SLU7: variants seen among roughly 807,000 people sequenced by gnomAD.
SLU7 encodes the protein spliceosome associated SLU7, also known as pre-mRNA-splicing factor SLU7.
SLU7 carries 60 observed loss-of-function variants against 87.0 expected under a neutral mutation model. The observed-to-expected ratio is 0.69, with a 90% CI of 0.56 to 0.86. The LOEUF (loss-of-function observed/expected upper bound fraction) is 0.86. Ranked by LOEUF, SLU7 falls within the 40% of genes least tolerant of loss-of-function variation. The probability of loss-of-function intolerance (pLI) is 0.00; values close to 1 mark genes in which losing one functional copy is unlikely to be tolerated. For synonymous variants in SLU7, 197 were observed against 222.0 expected (o/e 0.89, Z 1.00); for missense variants, 507 against 686.6 (o/e 0.74, Z 2.92).
intron 1 of SLU7, among the ~76,000 whole-genome samples, chr5:160,415,765 G>C (rs1282023756): frequency 1.3e-5 from 2 of 152,106 alleles, no homozygotes; most frequent in Admixed American, 6.5e-5. Flanking sequence ...CCATTCTAAA[G>C]AAAAGAGTTA....
rs1765066654 is a variant in SLU7 at position 160,407,726 on chromosome 5, G to C, written c.985+20C>G. 1 of 1,608,252 alleles carries C rather than the reference G, an allele frequency of 6.2e-7. No homozygotes were observed. Among genetic ancestry groups the C allele is most frequent in the Non-Finnish European group, 8.5e-7 (1 of 1,176,830 alleles). On this transcript the variant is annotated intron_variant, in intron 10 of 15. Coordinates refer to ENST00000297151, the MANE Select transcript of SLU7 (RefSeq NM_006425.5). The surrounding 1 kb of genome is among the most constrained non-coding windows in gnomAD (Gnocchi z 4.2). The stretch of plus-strand genomic sequence containing the variant: ...CTTATGAGCTGATATAAAATGGCTT[G>C]ACATAGAGGAAACACTTACACTGTG...
chr5:160,408,166 G>A (rs2910186), intron 8 of SLU7, 98 bp from the exon 9 acceptor site: 372,994 of 1,110,914 alleles, frequency 0.34, 65,388 homozygotes, highest in Admixed American at 0.41. Context: ...TTAAATAAAT[G>A]TGTGTATACA....
Position 160,414,331 on chromosome 5 carries a change from C to T in SLU7, c.312G>A (p.Arg104=). The change falls in exon 3 of 16, where the codon AGG becomes AGA. Residue 104 remains arginine (R), a synonymous_variant. Coordinates refer to ENST00000297151, the MANE Select transcript of SLU7 (RefSeq NM_006425.5). ...QFSSSGEWYK[R]GVKENSIITK... The stretch of plus-strand genomic sequence containing the variant: ...GTTGCCTACATACCTCTTTTACACC[C>T]CTCTTGTACCATTCTCCAGATGAGC... 1 of 1,604,754 alleles carries T rather than the reference C, an allele frequency of 6.2e-7. No individual in the cohort carries two copies. The highest frequency in any genetic ancestry group is 8.5e-7 in the Non-Finnish European group (1 of 1,176,346).
chr5:160,404,547 C>G lies in SLU7; in HGVS notation c.1474G>C (p.Glu492Gln), dbSNP rs1216870179. 2 of 1,587,806 alleles carry G rather than the reference C, an allele frequency of 1.3e-6. No homozygotes were observed. Among genetic ancestry groups the G allele is most frequent in the Non-Finnish European group, 1.7e-6 (2 of 1,160,202 alleles). Residue 492 changes from glutamate to glutamine, a missense_variant, in exon 15 of 16, where the codon GAA becomes CAA. Around this residue, in one of 6 missense-constraint regions of SLU7, gnomAD observed 201 missense variants for 213.4 expected, o/e 0.94. Coordinates refer to ENST00000297151, the MANE Select transcript of SLU7 (RefSeq NM_006425.5). ...TTCTTCTTTTCCTCTTTCAGTTTTTCTTGATGCAGCTGAAAGGGAGGATTG... is the reference window on the plus strand; with the variant it reads ...TTCTTCTTTTCCTCTTTCAGTTTTTGTTGATGCAGCTGAAAGGGAGGATTG... ...KPQTLMELHQ[E>Q]KLKEEKKKKK...
At chr5:160,408,996 A>G (rs1162756296) in intron 6 of SLU7, among the ~76,000 whole-genome samples, 2 of 151,502 alleles carry the variant, frequency 1.3e-5, no homozygotes, top group Non-Finnish European at 2.9e-5. Flanking sequence ...CATTGTAAAT[A>G]ATTTTATTAC....
In SLU7 at chr5:160,414,475, G is replaced by T; in HGVS notation, c.171-3C>A. ...GAGGAATATGGGGGTTGATGTCTCT[G>T]TAATTAAAGTAAAAAAAAAAAAAAT... On this transcript the variant is annotated splice_polypyrimidine_tract_variant and splice_region_variant and intron_variant, in intron 2 of 15. Coordinates refer to ENST00000297151, the MANE Select transcript of SLU7 (RefSeq NM_006425.5). 2 of 1,480,856 alleles carry T rather than the reference G, an allele frequency of 1.4e-6. No individual in the cohort carries two copies. The highest frequency in any genetic ancestry group is 1.8e-6 in the Non-Finnish European group (2 of 1,109,194). The allele number at this position is 1,480,856 out of a possible 1,614,324, so 91.7% of individuals were successfully genotyped here.
In SLU7 at chr5:160,406,346, A is replaced by C. The variant is rs549667268; in HGVS notation, c.1287+122T>G. 2.2e-5 allele frequency: 17 copies of C among 762,138 alleles called. No homozygotes were observed. In the South Asian group the frequency reaches 5.5e-4, roughly 25 times the overall value. The allele number at this position is 762,138 out of a possible 1,614,324, so 47.2% of individuals were successfully genotyped here. ...TTGAAAAAATTCCATGAAACAGTTAAAATTTTTTTTTTTTTTTAAAGCATA... is the reference window on the plus strand; with the variant it reads ...TTGAAAAAATTCCATGAAACAGTTACAATTTTTTTTTTTTTTTAAAGCATA... On this transcript the variant is annotated intron_variant, in intron 12 of 15. Coordinates refer to ENST00000297151, the MANE Select transcript of SLU7 (RefSeq NM_006425.5).
intron 12 of SLU7, among the ~76,000 whole-genome samples, chr5:160,405,969 T>C (rs987860750): frequency 6.6e-6 from 1 of 152,224 alleles, no homozygotes; most frequent in African/African-American, 2.4e-5. Flanking sequence ...TTTTTCTGTA[T>C]ATTTTGGAAA....
intron 12 of SLU7, 120 bp downstream of exon 12, chr5:160,406,348 A>ATT (rs36082303): frequency 8.4e-3 from 5,152 of 615,698 alleles, no homozygotes; most frequent in Middle Eastern, 0.013. Flanking sequence ...AACAGTTAAA[A>ATT]TTTTTTTTTT....
intron 15 of SLU7, 97 bp downstream of exon 15, chr5:160,404,343 C>A: frequency 1.3e-6 from 1 of 753,034 alleles, no homozygotes; most frequent in Non-Finnish European, 2.2e-6. Context: ...CCAGCCTGGA[C>A]AACAGAGCAA....
intron 11 of SLU7, 37 bp from the exon 12 acceptor site, chr5:160,406,666 A>C (rs770129121): frequency 1.9e-5 from 27 of 1,439,368 alleles, no homozygotes; most frequent in Non-Finnish European, 2.5e-5. Flanking sequence ...TACATTTTAC[A>C]ACCTGATTTG....
chr5:160,413,885 A>G lies in SLU7; in HGVS notation c.405+14T>C. On this transcript the variant is annotated intron_variant, in intron 4 of 15. Transcript: ENST00000297151. ...TCTGACAACGGTTTTCAAAATTTTC[A>G]AAGGTGAACTTACCTCAAAGCAGTC... is the stretch of plus-strand genomic sequence containing the variant. The G allele has an allele frequency of 6.4e-7, 1 of 1,562,026 alleles. No homozygotes were observed. Among genetic ancestry groups the G allele is most frequent in the Non-Finnish European group, 8.6e-7 (1 of 1,156,544 alleles).
chr5:160,412,522 T>TAA lies in SLU7; in HGVS notation c.571-4_571-3insTT. 1.5e-5 allele frequency: 9 copies of TAA among 587,518 alleles called. No individual in the cohort carries two copies. The highest frequency in any genetic ancestry group is 4.4e-5 in the South Asian group (1 of 22,724). 36.4% of individuals were successfully genotyped at this position (587,518 alleles called of 1,614,324 possible). On this transcript the variant is annotated splice_polypyrimidine_tract_variant and splice_region_variant and intron_variant, in intron 5 of 15. Coordinates refer to ENST00000297151, the MANE Select transcript of SLU7 (RefSeq NM_006425.5). ...TGGGCTTTCAATGTTCGTTTTGCCT[T>TAA]TAAAAAAAAAAAAAAGAAAGAAAGA... is the stretch of plus-strand genomic sequence containing the variant.
intron 6 of SLU7, 88 bp from the exon 7 acceptor site, chr5:160,408,785 CTTA>C (rs375059680): frequency 5.8e-5 from 15 of 258,296 alleles, no homozygotes; most frequent in African/African-American, 2.6e-4. Context: ...GTATTATTAT[CTTA>C]TTATAAATAA....
At chr5:160,408,754 CTTT>C in intron 6 of SLU7, 57 bp from the exon 7 acceptor site, 1 of 662,946 alleles carries the variant, frequency 1.5e-6, no homozygotes, top group Non-Finnish European at 2.4e-6. Flanking sequence ...ATCCAATTAA[CTTT>C]ATTATTAAGA....
chr5:160,413,987 T>C lies in SLU7; in HGVS notation c.325-8A>G. The C allele has an allele frequency of 6.6e-7, 1 of 1,517,422 alleles. No individual in the cohort carries two copies. Among genetic ancestry groups the C allele is most frequent in the Non-Finnish European group, 8.9e-7 (1 of 1,121,434 alleles). The allele number at this position is 1,517,422 out of a possible 1,614,324, so 94.0% of individuals were successfully genotyped here. ...CTTAGTAATTATGGAATTCTATAAA[T>C]ATATATAAAGAAAAACAAAAATGTC... is the stretch of plus-strand genomic sequence containing the variant. On this transcript the variant is annotated splice_polypyrimidine_tract_variant and splice_region_variant and intron_variant, in intron 3 of 15. Transcript: ENST00000297151.
Position 160,408,003 on chromosome 5 carries a change from A to G in SLU7, c.885T>C (p.Asn295=). ...GATTCTTTCCTGCATTGGCATAAGGATTCTCTCTCATTGCTCTAGTTTTTG... is the reference window on the plus strand; with the variant it reads ...GATTCTTTCCTGCATTGGCATAAGGGTTCTCTCTCATTGCTCTAGTTTTTG... ...YDPKTRAMRE[N]PYANAGKNPD... is the part of the protein sequence containing the mutation. The change falls in exon 9 of 16, where the codon AAT becomes AAC. Residue 295 remains asparagine, a synonymous_variant. Coordinates refer to ENST00000297151, the MANE Select transcript of SLU7 (RefSeq NM_006425.5). 1 of 1,613,020 alleles carries G rather than the reference A, an allele frequency of 6.2e-7. No homozygotes were observed. Among genetic ancestry groups the G allele is most frequent in the Non-Finnish European group, 8.5e-7 (1 of 1,179,088 alleles).
intron 1 of SLU7, among the ~76,000 whole-genome samples, chr5:160,415,741 C>T (rs1305199266): frequency 1.3e-5 from 2 of 152,176 alleles, no homozygotes; most frequent in African/African-American, 4.8e-5. Context: ...TCTAACTTAG[C>T]CCTCCATTCC....
At chr5:160,406,385 G>A in intron 12 of SLU7, 83 bp downstream of exon 12, 2 of 1,011,994 alleles carry the variant, frequency 2.0e-6, no homozygotes, top group Non-Finnish European at 2.7e-6. Context: ...AATACAAATG[G>A]TTAGCTAATA....
Sources: allele counts gnomAD v4.1 joint callset (sites outside exome capture counted in the v4.1 genomes callset), GRCh38; gene constraint gnomAD v4.1.1; regional missense constraint gnomAD v4.1.1; non-coding constraint Gnocchi (gnomAD v3.1); transcripts MANE v1.5; gene names NCBI Gene and HGNC (gene_info 2026-07-23, HGNC 2026-07-21).